Variants in TULP2 observed in about 807,000 individuals in gnomAD.
TULP2 encodes TUB like protein 2.
A neutral mutation model predicts 60.3 loss-of-function variants in TULP2; 64 were observed. The observed-to-expected ratio is 1.06, with a 90% confidence interval of 0.87 to 1.31. The LOEUF is 1.31. TULP2 is among the 50% of genes most tolerant of loss of function. The probability of loss-of-function intolerance (pLI) is 0.00; values close to 1 mark genes in which losing one functional copy is unlikely to be tolerated. For synonymous variants in TULP2, 267 were observed against 265.4 expected, an observed-to-expected ratio of 1.01 and a Z score of -0.06; for missense variants, 652 against 667.0, an observed-to-expected ratio of 0.98 and a Z score of 0.25.
At chr19:48,887,688 G>A (rs1227370106) in intron 8 of TULP2, among the ~76,000 whole-genome samples, 1 of 152,114 alleles carries the variant, frequency 6.6e-6, no homozygotes, top group Non-Finnish European at 1.5e-5. Context: ...CTCCTGAGTA[G>A]CTGGGACTAC....
chr19:48,896,044 CG>C (rs2037275968), intron 4 of TULP2, among the ~76,000 whole-genome samples: 1 of 152,208 alleles, frequency 6.6e-6, no homozygotes, highest in African/African-American at 2.4e-5. Context: ...GACCGCGCCC[CG>C]CCCCGGACCC....
rs58640342 is a variant in TULP2 at position 48,887,311 on chromosome 19, C to CTTTTTTTTTTTTTTTTTTTTTTTT, written c.948+615_948+638dup. Among the ~76,000 whole-genome samples the CTTTTTTTTTTTTTTTTTTTTTTTT allele has an allele frequency of 8.9e-4, 35 of 39,376 alleles. 10 individuals carry two copies. The highest frequency in any genetic ancestry group is 1.4e-3 in the South Asian group (1 of 736). The allele number at this position is 39,376 out of a possible 152,430, so 25.8% of individuals were successfully genotyped here. On this transcript the variant is annotated intron_variant, in intron 8 of 12. Transcript: ENST00000221399. ...CAAGTGTGAGCCACCGCGCCCAGCCCTTTTTTTTTTTTTTTTTTTTTTTTT... is the reference window on the plus strand; with the variant it reads ...CAAGTGTGAGCCACCGCGCCCAGCCCTTTTTTTTTTTTTTTTTTTTTTTTTTTTTTTTTTTTTTTTTTTTTTTTT...
intron 11 of TULP2, 111 bp downstream of exon 11, chr19:48,883,643 C>A: frequency 8.4e-7 from 1 of 1,184,376 alleles, no homozygotes; most frequent in Non-Finnish European, 1.2e-6. Context: ...GTGACACCTG[C>A]AACCCACTGG....
At chr19:48,895,238 T>C in intron 5 of TULP2, 76 bp from the exon 6 acceptor site, 1 of 1,576,534 alleles carries the variant, frequency 6.3e-7, no homozygotes. Context: ...AACTCCTTGG[T>C]GTGAGGAAGG....
chr19:48,891,499 G>A (rs1164017694), intron 6 of TULP2, among the ~76,000 whole-genome samples: 1 of 151,542 alleles, frequency 6.6e-6, no homozygotes, highest in Non-Finnish European at 1.5e-5. Flanking sequence ...GCGTGGCAGC[G>A]TGCACCTGCA....
rs1222587400 is a variant in TULP2 at position 48,896,459 on chromosome 19, AG to A, written c.181del (p.Leu61CysfsTer7). The A allele has an allele frequency of 1.2e-6, 2 of 1,610,902 alleles. No individual in the cohort carries two copies. The highest frequency in any genetic ancestry group is 4.5e-5 in the East Asian group (2 of 44,662). ...DASPWLWRSCLREERLLGDRG... is the reference protein window; with the variant it reads ...DASPWLWRSCXREERLLGDRG... ...GTCACCTAAAAGGCGCTCCTCCCGC[AG>A]ACAAGAGCGCCAAAGCCACGGGGAA... On this transcript the variant is annotated frameshift_variant, in exon 4 of 13. Transcript: ENST00000221399. LOFTEE classifies it high-confidence loss of function.
chr19:48,892,922 C>T (rs1332438373), intron 6 of TULP2, among the ~76,000 whole-genome samples: 1 of 144,542 alleles, frequency 6.9e-6, no homozygotes, highest in African/African-American at 2.6e-5. Context: ...GAGACTCCGT[C>T]TCAAAAAAAA....
At chr19:48,896,310 G>C in intron 4 of TULP2, 120 bp downstream of exon 4, 1 of 1,334,844 alleles carries the variant, frequency 7.5e-7, no homozygotes, top group Non-Finnish European at 9.9e-7. Context: ...GCCAAGGCCC[G>C]CCCCCATCCA....
intron 7 of TULP2, 48 bp from the exon 8 acceptor site, chr19:48,888,309 C>G (rs764626183): frequency 7.2e-5 from 111 of 1,535,370 alleles, no homozygotes; most frequent in Non-Finnish European, 9.2e-5. Context: ...ACCGGCCCAG[C>G]CTTGCTTACT....
At chr19:48,884,748 C>T (rs971176805) in intron 9 of TULP2, among the ~76,000 whole-genome samples, 2 of 151,562 alleles carry the variant, frequency 1.3e-5, no homozygotes, top group Non-Finnish European at 2.9e-5. Flanking sequence ...CCAGCCTGGG[C>T]AACAAAAGTG....
intron 6 of TULP2, among the ~76,000 whole-genome samples, chr19:48,893,945 G>A (rs1003755419): frequency 1.3e-5 from 2 of 152,034 alleles, no homozygotes; most frequent in South Asian, 2.1e-4. Flanking sequence ...TTAGCTTCTC[G>A]TATCCTACAG....
At chr19:48,889,163 A>T (rs2037209938) in intron 7 of TULP2, among the ~76,000 whole-genome samples, 1 of 151,062 alleles carries the variant, frequency 6.6e-6, no homozygotes, top group Non-Finnish European at 1.5e-5. Context: ...TTTACTAGAG[A>T]CAGGGTTTCA....
chr19:48,881,996 C>A (rs1466896), intron 12 of TULP2, 36 bp downstream of exon 12: 4 of 1,614,068 alleles, frequency 2.5e-6, no homozygotes, highest in South Asian at 2.2e-5. Flanking sequence ...ACCCCCACCC[C>A]ACCTGGCCCG....
In TULP2 at chr19:48,895,082, C is replaced by G. The variant is rs769337401; in HGVS notation, c.430G>C (p.Val144Leu). The change falls in exon 6 of 13, where the codon GTG becomes CTG. Residue 144 changes from valine (V) to leucine (L), a missense_variant. Coordinates refer to ENST00000221399, the MANE Select transcript of TULP2 (RefSeq NM_003323.3). The stretch of plus-strand genomic sequence containing the variant: ...GGGGGAGAGACGGAACCATTCTCCA[C>G]GGAGACTTCCTCCAATTCTGCATCG... ...NSDAELEEVSVENGSVSPPPF... is the reference protein window; with the variant it reads ...NSDAELEEVSLENGSVSPPPF... 1 of 1,613,982 alleles carries G rather than the reference C, an allele frequency of 6.2e-7. No homozygotes were observed. Among genetic ancestry groups the G allele is most frequent in the Admixed American group, 1.7e-5 (1 of 59,978 alleles).
At chr19:48,894,810 C>T (rs1166484838) in intron 6 of TULP2, among the ~76,000 whole-genome samples, 188 bp downstream of exon 6, 1 of 152,044 alleles carries the variant, frequency 6.6e-6, no homozygotes, top group Non-Finnish European at 1.5e-5. Context: ...CTGTGGGGTT[C>T]CTGGAACACA....
intron 9 of TULP2, among the ~76,000 whole-genome samples, chr19:48,884,445 A>T (rs2123268758): frequency 6.6e-6 from 1 of 151,724 alleles, no homozygotes; most frequent in South Asian, 2.1e-4. Context: ...CCCTGTCTCT[A>T]AATAAATATA....
chr19:48,889,112 G>C (rs1158052991), intron 7 of TULP2, among the ~76,000 whole-genome samples: 1 of 151,804 alleles, frequency 6.6e-6, no homozygotes, highest in Non-Finnish European at 1.5e-5. Context: ...GAGTAGTTGG[G>C]ATTACTGGCG....
At chr19:48,893,880 A>G (rs1393240728) in intron 6 of TULP2, among the ~76,000 whole-genome samples, 1 of 152,082 alleles carries the variant, frequency 6.6e-6, no homozygotes, top group Non-Finnish European at 1.5e-5. Flanking sequence ...ATCTGGGGTG[A>G]TACAAATGTT....
In TULP2 at chr19:48,897,725, C is replaced by T; in HGVS notation, c.32+112G>A. ...AGGAGTCCAGGTCCCCAGCCCCTTC[C>T]TGCAAGGCCGATGGTGCTGAACCTG... On this transcript the variant is annotated intron_variant, in intron 2 of 12. Coordinates refer to ENST00000221399, the MANE Select transcript of TULP2 (RefSeq NM_003323.3). The surrounding 1 kb of genome is among the most constrained non-coding windows in gnomAD (Gnocchi z 4.0). 1.7e-6 allele frequency: 2 copies of T among 1,193,378 alleles called. No homozygotes were observed. The highest frequency in any genetic ancestry group is 1.3e-6 in the Non-Finnish European group (1 of 799,788). The allele number at this position is 1,193,378 out of a possible 1,614,324, so 73.9% of individuals were successfully genotyped here.
Sources: allele counts gnomAD v4.1 joint callset (sites outside exome capture counted in the v4.1 genomes callset), GRCh38; gene constraint gnomAD v4.1.1; non-coding constraint Gnocchi (gnomAD v3.1); transcripts MANE v1.5; gene names NCBI Gene and HGNC (gene_info 2026-07-23, HGNC 2026-07-21).